The following ITPK1 variants were observed in gnomAD, a reference collection of about 807,000 sequenced individuals.
ITPK1 encodes the protein inositol-tetrakisphosphate 1-kinase.
In ITPK1, 21 loss-of-function variants were observed where a neutral mutation model predicts 45.3. That is an observed-to-expected ratio of 0.46 (90% CI 0.33 to 0.67). The LOEUF (loss-of-function observed/expected upper bound fraction) is 0.67. Ranked by LOEUF, ITPK1 falls within the 30% of genes least tolerant of loss-of-function variation. The pLI is 0.02. For missense variants in ITPK1, 474 were observed against 573.5 expected (o/e 0.83, Z 1.77); for synonymous variants, 258 against 253.6 (o/e 1.02, Z -0.16).
chr14:92,951,977 G>T lies in ITPK1; in HGVS notation c.707C>A (p.Ser236Ter). The T allele has an allele frequency of 6.3e-7, 1 of 1,579,820 alleles. No homozygotes were observed. Among genetic ancestry groups the T allele is most frequent in the Non-Finnish European group, 8.6e-7 (1 of 1,162,408 alleles). The change falls in exon 9 of 11, where the codon TCA (serine) becomes TAA (stop). Residue 236 changes from serine (S) to a stop codon, truncating the protein, a stop_gained. Coordinates refer to ENST00000267615, the MANE Select transcript of ITPK1 (RefSeq NM_014216.6). LOFTEE classifies it high-confidence loss of function. ...CAGGACCGATGACGACTCCGGCTTT[G>T]ACACGTTGTGGCTGTTGAAGAAGAT... ...ESIFFNSHNV[S>*]KPESSSVLTE...
chr14:92,943,330 C>A (rs1887525891), intron 10 of ITPK1, among the ~76,000 whole-genome samples: 1 of 152,238 alleles, frequency 6.6e-6, no homozygotes, highest in African/African-American at 2.4e-5. Flanking sequence ...CGCACCCCTG[C>A]AGCCCGTTTC....
At chr14:93,002,150 TCAAGAC>T (rs1887386517) in intron 4 of ITPK1, among the ~76,000 whole-genome samples, 1 of 152,024 alleles carries the variant, frequency 6.6e-6, no homozygotes, top group Non-Finnish European at 1.5e-5. Context: ...GTCTGAGAGT[TCAAGAC>T]CAGCCTGGGC....
chr14:93,001,155 TGGTGGTG>T (rs2139823619), intron 4 of ITPK1, among the ~76,000 whole-genome samples: 1 of 151,144 alleles, frequency 6.6e-6, no homozygotes, highest in East Asian at 1.9e-4. Flanking sequence ...TAGCCGGGCA[TGGTGGTG>T]GGCGCCTGTA....
At chr14:93,041,717 C>T (rs901176403) in intron 3 of ITPK1, among the ~76,000 whole-genome samples, 1 of 152,244 alleles carries the variant, frequency 6.6e-6, no homozygotes, top group Non-Finnish European at 1.5e-5. Flanking sequence ...GTCCTGCTTC[C>T]TGAATCCCAG....
intron 2 of ITPK1, among the ~76,000 whole-genome samples, chr14:93,096,632 AAGG>A (rs969693711): frequency 6.6e-6 from 1 of 152,202 alleles, no homozygotes; most frequent in African/African-American, 2.4e-5. Flanking sequence ...CCAGCAGCAC[AAGG>A]AGAAGGAGAG....
rs1485677738 is a variant in ITPK1 at position 92,938,603 on chromosome 14, C to T, written c.*2958G>A. 3 of 1,232,720 alleles carry T rather than the reference C, an allele frequency of 2.4e-6. No homozygotes were observed. The highest frequency in any genetic ancestry group is 3.6e-6 in the Non-Finnish European group (3 of 843,624). The allele number at this position is 1,232,720 out of a possible 1,614,324, so 76.4% of individuals were successfully genotyped here. On this transcript the variant is annotated 3_prime_UTR_variant, in exon 11 of 11. Coordinates refer to ENST00000267615, the MANE Select transcript of ITPK1 (RefSeq NM_014216.6). ...GGCATGAGACACAGGCAGGCCCAGG[C>T]ACAGGAAGCCCCATGGAACCTGCCA...
At chr14:92,956,407 A>G (rs1028016675) in intron 8 of ITPK1, among the ~76,000 whole-genome samples, 1 of 151,982 alleles carries the variant, frequency 6.6e-6, no homozygotes, top group Non-Finnish European at 1.5e-5. Context: ...CTGGGACTAC[A>G]GGCATGAGCC....
intron 2 of ITPK1, among the ~76,000 whole-genome samples, chr14:93,107,654 G>A (rs115702670): frequency 2.0e-3 from 298 of 152,316 alleles, no homozygotes; most frequent in African/African-American, 7.0e-3. Flanking sequence ...GGGGGGATGC[G>A]GAGCGGGGTC....
At chr14:93,065,995 A>T (rs1890728147) in intron 3 of ITPK1, among the ~76,000 whole-genome samples, 1 of 152,246 alleles carries the variant, frequency 6.6e-6, no homozygotes, top group Non-Finnish European at 1.5e-5. Flanking sequence ...AGCATATTTT[A>T]TGTAAAAATT....
intron 7 of ITPK1, among the ~76,000 whole-genome samples, chr14:92,960,072 G>A (rs947264150): frequency 3.9e-5 from 6 of 152,342 alleles, no homozygotes; most frequent in South Asian, 2.1e-4. Flanking sequence ...CAGAGGGCAC[G>A]TCCCTGCAAT....
At chr14:93,072,195 G>C (rs528330121) in intron 3 of ITPK1, 2 of 151,402 alleles carry the variant, frequency 1.3e-5, no homozygotes, top group East Asian at 3.9e-4. Context: ...TCAGCTACTT[G>C]GGAGGCTGAG....
chr14:92,992,552 G>A (rs1335764559), intron 5 of ITPK1, among the ~76,000 whole-genome samples: 1 of 152,222 alleles, frequency 6.6e-6, no homozygotes, highest in Non-Finnish European at 1.5e-5. Flanking sequence ...GGCATTCAGG[G>A]AAAGAGGCCT....
At chr14:93,013,071 G>A (rs939046656) in intron 4 of ITPK1, among the ~76,000 whole-genome samples, 2 of 152,182 alleles carry the variant, frequency 1.3e-5, no homozygotes, top group Non-Finnish European at 2.9e-5. Flanking sequence ...CCGAGCCTGA[G>A]GCAGGGACCC....
intron 7 of ITPK1, among the ~76,000 whole-genome samples, chr14:92,961,152 C>T (rs1434254077): frequency 6.6e-6 from 1 of 152,260 alleles, no homozygotes; most frequent in East Asian, 1.9e-4. Flanking sequence ...ACAAGCCTTC[C>T]CCAGAGAGCC....
At chr14:93,112,343 A>T (rs116152573) in intron 2 of ITPK1, among the ~76,000 whole-genome samples, 2,456 of 151,892 alleles carry the variant, frequency 0.016, 84 homozygotes, top group African/African-American at 0.054. Flanking sequence ...CTGCTCTGAG[A>T]TCAGATTTTT....
At chr14:93,062,333 G>A (rs1382511222) in intron 3 of ITPK1, among the ~76,000 whole-genome samples, 1 of 152,084 alleles carries the variant, frequency 6.6e-6, no homozygotes, top group Non-Finnish European at 1.5e-5. Context: ...AGAAGGCTGA[G>A]GTGGGAGGAT....
At chr14:92,954,338 C>T (rs967941222) in intron 8 of ITPK1, among the ~76,000 whole-genome samples, 1 of 152,200 alleles carries the variant, frequency 6.6e-6, no homozygotes, top group African/African-American at 2.4e-5. Flanking sequence ...GGCTGCCAGT[C>T]ACCCAAGAGA....
chr14:93,100,884 T>C lies in ITPK1; in HGVS notation c.95+14185A>G, dbSNP rs895730261. ...ATTTGCAGCCATGTGGCCCACTCCA[T>C]AGGTCTCACTGTCCAGGGGGTCCCA... On this transcript the variant is annotated intron_variant, in intron 2 of 10. Coordinates refer to ENST00000267615, the MANE Select transcript of ITPK1 (RefSeq NM_014216.6). 4.6e-5 allele frequency among the ~76,000 whole-genome samples: 7 copies of C among 152,158 alleles called. No homozygotes were observed. In the East Asian group the frequency reaches 7.7e-4, roughly 17 times the overall value.
At chr14:93,112,417 C>G (rs1892789397) in intron 2 of ITPK1, among the ~76,000 whole-genome samples, 1 of 151,008 alleles carries the variant, frequency 6.6e-6, no homozygotes, top group Admixed American at 6.6e-5. Flanking sequence ...ATTCTTTGCC[C>G]AAACATTAAG....
Sources: allele counts gnomAD v4.1 joint callset (sites outside exome capture counted in the v4.1 genomes callset), GRCh38; gene constraint gnomAD v4.1.1; transcripts MANE v1.5; gene names NCBI Gene and HGNC (gene_info 2026-07-23, HGNC 2026-07-21).